The following LRRTM4 variants were observed in gnomAD, a reference collection of about 807,000 sequenced individuals.
LRRTM4 encodes the protein leucine rich repeat transmembrane neuronal 4.
A neutral mutation model predicts 47.6 loss-of-function variants in LRRTM4; 25 were observed. The ratio of observed to expected loss-of-function variants is 0.53; its 90% CI spans 0.38 to 0.73. LRRTM4 has a LOEUF of 0.73. Among genes scored for constraint, LRRTM4 ranks in the 30% least tolerant of loss-of-function variants. The pLI is 0.00. For synonymous variants in LRRTM4, 311 were observed against 269.5 expected (o/e 1.15, Z -1.51); for missense variants, 638 against 713.4 (o/e 0.89, Z 1.20).
chr2:77,163,757 G>A (rs1203189592), intron 3 of LRRTM4, among the ~76,000 whole-genome samples: 4 of 152,168 alleles, frequency 2.6e-5, no homozygotes, highest in East Asian at 1.9e-4. Flanking sequence ...AAGAGCAAAT[G>A]CTGAGAGATT....
At chr2:77,311,006 A>G (rs1210599073) in intron 3 of LRRTM4, among the ~76,000 whole-genome samples, 1 of 151,930 alleles carries the variant, frequency 6.6e-6, no homozygotes, top group African/African-American at 2.4e-5. Context: ...ATATATAGAG[A>G]GAGAATATTA....
intron 3 of LRRTM4, among the ~76,000 whole-genome samples, chr2:76,801,766 C>G (rs1035555934): frequency 3.3e-5 from 5 of 152,086 alleles, no homozygotes; most frequent in African/African-American, 1.2e-4. Flanking sequence ...TTAAAAGGAT[C>G]ATTCACCACG....
intron 3 of LRRTM4, among the ~76,000 whole-genome samples, chr2:77,067,915 T>C (rs1303715793): frequency 6.6e-6 from 1 of 152,062 alleles, no homozygotes; most frequent in African/African-American, 2.4e-5. Context: ...AAAGGGAAAG[T>C]GATATATTTT....
At chr2:77,047,001 A>C (rs923676936) in intron 3 of LRRTM4, among the ~76,000 whole-genome samples, 4 of 152,042 alleles carry the variant, frequency 2.6e-5, no homozygotes, top group African/African-American at 9.7e-5. Context: ...AATGTCCAAT[A>C]ATAAAGATAC....
intron 3 of LRRTM4, among the ~76,000 whole-genome samples, chr2:76,962,617 A>T (rs1447349349): frequency 1.3e-5 from 2 of 150,860 alleles, no homozygotes; most frequent in Non-Finnish European, 3.0e-5. Flanking sequence ...TTATTTTTAA[A>T]ATAAAAATAA....
intron 3 of LRRTM4, among the ~76,000 whole-genome samples, chr2:76,802,726 T>C (rs1675766213): frequency 6.6e-6 from 1 of 152,052 alleles, no homozygotes; most frequent in Non-Finnish European, 1.5e-5. Flanking sequence ...TACAAAGCTA[T>C]ACTAATCAAA....
chr2:76,906,645 G>C (rs1240640738), intron 3 of LRRTM4, among the ~76,000 whole-genome samples: 1 of 152,056 alleles, frequency 6.6e-6, no homozygotes, highest in Non-Finnish European at 1.5e-5. Context: ...TAAAAGGATG[G>C]AGGAAGATCT....
chr2:76,914,040 AATAAT>A (rs1674161575), intron 3 of LRRTM4, among the ~76,000 whole-genome samples: 1 of 151,638 alleles, frequency 6.6e-6, no homozygotes, highest in African/African-American at 2.4e-5. Context: ...AATTATATAA[AATAAT>A]ATTTTATACA....
chr2:77,474,385 T>C (rs1364901967), intron 3 of LRRTM4, among the ~76,000 whole-genome samples: 2 of 152,076 alleles, frequency 1.3e-5, no homozygotes, highest in African/African-American at 2.4e-5. Flanking sequence ...TAGACATTTA[T>C]ATGGCTTTCT....
rs1482376146 is a variant in LRRTM4 at position 76,796,652 on chromosome 2, C to G, written c.1552-47736G>C. Among the ~76,000 whole-genome samples the G allele has an allele frequency of 3.7e-5, 4 of 107,690 alleles. 2 individuals carry two copies. Among genetic ancestry groups the G allele is most frequent in the Admixed American group, 1.9e-4 (2 of 10,644 alleles). 70.6% of individuals were successfully genotyped at this position (107,690 alleles called of 152,430 possible). A position where few individuals can be genotyped will look rare whatever the true frequency, so the allele number is the denominator to read the frequency against. ...CAGAAAGGACATCCACACCAAAATC[C>G]CATCTGTGCATCACCATCATCAAAG... On this transcript the variant is annotated intron_variant, in intron 3 of 3. Transcript: ENST00000409884.
intron 3 of LRRTM4, among the ~76,000 whole-genome samples, chr2:76,998,260 A>AT (rs1329279960): frequency 2.6e-5 from 4 of 152,018 alleles, no homozygotes; most frequent in African/African-American, 7.2e-5. Flanking sequence ...CTGCTATCCC[A>AT]TTCAGCTTAT....
At position 77,519,121 on chromosome 2, in the gene LRRTM4, A is replaced by G; in HGVS notation, c.748T>C (p.Trp250Arg). The change falls in exon 3 of 4, where the codon TGG becomes CGG. Residue 250 changes from tryptophan (W) to arginine (R), a missense_variant. By Grantham distance (101) the Trp-to-Arg change is moderately radical. Transcript: ENST00000409884. This position sits in a 1 kb window ranked among gnomAD's most constrained non-coding sequence, Gnocchi z 4.6. ...AAGTTGTGTAAGGAACTCCAAGTCCATGTCAAACCTTGGCTAATGGAGCGA... is the reference window on the plus strand; with the variant it reads ...AAGTTGTGTAAGGAACTCCAAGTCCGTGTCAAACCTTGGCTAATGGAGCGA... Reference protein sequence around the residue: ...RIRSISQGLTWTWSSLHNLDL... With the variant: ...RIRSISQGLTRTWSSLHNLDL... The G allele has an allele frequency of 6.2e-7, 1 of 1,613,124 alleles. No homozygotes were observed. Among genetic ancestry groups the G allele is most frequent in the South Asian group, 1.1e-5 (1 of 91,056 alleles).
chr2:77,417,846 G>A (rs1402951252), intron 3 of LRRTM4, among the ~76,000 whole-genome samples: 1 of 151,998 alleles, frequency 6.6e-6, no homozygotes, highest in African/African-American at 2.4e-5. Flanking sequence ...CACCAACATG[G>A]CACATGTATA....
chr2:76,905,724 T>C (rs908216018), intron 3 of LRRTM4, among the ~76,000 whole-genome samples: 5 of 150,290 alleles, frequency 3.3e-5, no homozygotes, highest in African/African-American at 1.2e-4. Context: ...GCCGATGCGA[T>C]CAACTGGAAG....
At chr2:76,990,303 C>T (rs556041946) in intron 3 of LRRTM4, among the ~76,000 whole-genome samples, 1 of 151,798 alleles carries the variant, frequency 6.6e-6, no homozygotes, top group Admixed American at 6.6e-5. Flanking sequence ...AAACCTAATA[C>T]ATCAATATTA....
rs1233524853 is a variant in LRRTM4, at chr2:76,908,536, A to G, written c.1552-159620T>C. 5.9e-5 allele frequency among the ~76,000 whole-genome samples: 9 copies of G among 152,150 alleles called. No homozygotes were observed. The East Asian group carries it at 1.7e-3, about 30-fold the overall frequency. On this transcript the variant is annotated intron_variant, in intron 3 of 3. Transcript: ENST00000409884. The stretch of plus-strand genomic sequence containing the variant: ...GGAAATAAAGGGTATTCAATTAAGA[A>G]AAGAGGAAGTCAAAGTGTCCCTGTT...
chr2:76,776,168 T>C (rs1388541441), intron 3 of LRRTM4, among the ~76,000 whole-genome samples: 1 of 152,216 alleles, frequency 6.6e-6, no homozygotes, highest in African/African-American at 2.4e-5. Flanking sequence ...TGTTGGACAT[T>C]TGGGTTGGTT....
At chr2:77,495,564 G>A (rs1678329724) in intron 3 of LRRTM4, among the ~76,000 whole-genome samples, 1 of 151,964 alleles carries the variant, frequency 6.6e-6, no homozygotes, top group Non-Finnish European at 1.5e-5. Context: ...AAATCAAATT[G>A]GTATGAGGCA....
intron 3 of LRRTM4, among the ~76,000 whole-genome samples, chr2:76,898,316 G>C (rs1429491427): frequency 1.3e-5 from 2 of 152,046 alleles, no homozygotes; most frequent in African/African-American, 4.8e-5. Flanking sequence ...CAAATTTTTG[G>C]AAATCAGCAG....
Sources: gnomAD v4.1 joint callset for allele counts (sites outside exome capture counted in the v4.1 genomes callset) on GRCh38, gnomAD v4.1.1 for gene constraint, Gnocchi (gnomAD v3.1) non-coding constraint, MANE v1.5 for transcripts, NCBI Gene and HGNC (gene_info 2026-07-23, HGNC 2026-07-21) for gene names.